XRRA1: variants seen among roughly 807,000 people sequenced by gnomAD.
XRRA1 encodes X-ray radiation resistance associated 1, also known as X-ray radiation resistance-associated protein 1.
XRRA1 carries 69 observed loss-of-function variants against 80.2 expected under a neutral mutation model. That is an observed-to-expected ratio of 0.86 (90% CI 0.71 to 1.05). The LOEUF (loss-of-function observed/expected upper bound fraction) is 1.05, where lower values mean the gene tolerates loss of function less well. XRRA1 is among the 50% of genes least tolerant of loss of function. The pLI is 0.00. For missense variants in XRRA1, 967 were observed against 976.4 expected (o/e 0.99, Z 0.13); for synonymous variants, 348 against 389.9 (o/e 0.89, Z 1.27).
chr11:74,898,401 T>G (rs2052865647), intron 10 of XRRA1, among the ~76,000 whole-genome samples: 1 of 151,396 alleles, frequency 6.6e-6, no homozygotes, highest in Non-Finnish European at 1.5e-5. Context: ...ATGGCAGGAG[T>G]AAGTCCCTGC....
intron 8 of XRRA1, chr11:74,913,928 T>G (rs1461660439): frequency 6.6e-6 from 1 of 152,210 alleles, no homozygotes; most frequent in African/African-American, 2.4e-5. Flanking sequence ...CTTACACTAC[T>G]TGTAGGAAAA....
chr11:74,937,153 A>G lies in XRRA1; in HGVS notation c.95-85T>C. ...TATAGACTTTGTTTATAATACTAAA[A>G]CCAAAAATAGCTCCTGATTATCTAA... On this transcript the variant is annotated intron_variant, in intron 3 of 18. Coordinates refer to ENST00000684022, the MANE Select transcript of XRRA1 (RefSeq NM_001378157.1). The G allele has an allele frequency of 2.2e-6, 3 of 1,378,098 alleles. No individual in the cohort carries two copies. In the South Asian group the frequency reaches 4.4e-5, roughly 20 times the overall value. 85.4% of individuals were successfully genotyped at this position (1,378,098 alleles called of 1,614,324 possible). A position where few individuals can be genotyped will look rare whatever the true frequency, so the allele number is the denominator to read the frequency against.
In XRRA1 at chr11:74,907,198, A is replaced by C. The variant is rs767687781; in HGVS notation, c.732T>G (p.Asp244Glu). ...AACTGGGGTTGGAGAGTCTGTTGTC[A>C]TCCAGCATCAGTGTCTCCAGCGCTG... Reference protein sequence around the residue: ...RFPALETLMLDDNRLSNPSCF... With the variant: ...RFPALETLMLEDNRLSNPSCF... The change falls in exon 9 of 19, where the codon GAT becomes GAG. Residue 244 changes from aspartate (D) to glutamate (E), a missense_variant. By Grantham distance (45) the Asp-to-Glu change is conservative. Transcript: ENST00000684022. The C allele has an allele frequency of 5.0e-6, 8 of 1,613,958 alleles. No homozygotes were observed. The highest frequency in any genetic ancestry group is 6.8e-6 in the Non-Finnish European group (8 of 1,179,866).
chr11:74,870,468 A>G (rs2044518893), intron 10 of XRRA1, among the ~76,000 whole-genome samples: 1 of 152,176 alleles, frequency 6.6e-6, no homozygotes, highest in Non-Finnish European at 1.5e-5. Context: ...CCCTCTCTGT[A>G]TGAAATGCTG....
At chr11:74,849,826 C>G (rs1475364452) in intron 14 of XRRA1, among the ~76,000 whole-genome samples, 1 of 152,150 alleles carries the variant, frequency 6.6e-6, no homozygotes, top group Non-Finnish European at 1.5e-5. Flanking sequence ...TGGTTACAGG[C>G]CTGCTCTGGC....
chr11:74,845,316 A>G lies in XRRA1; in HGVS notation c.1729-45T>C, dbSNP rs923769609. On this transcript the variant is annotated intron_variant, in intron 15 of 18. Transcript: ENST00000684022. ...GCATTCATTTGTCACTCATTCATTC[A>G]TTCATTCCATGAACATTCGGAGTAT... is the stretch of plus-strand genomic sequence containing the variant. The G allele has an allele frequency of 1.5e-5, 24 of 1,552,382 alleles. No individual in the cohort carries two copies. In the East Asian group the frequency reaches 5.7e-4, roughly 37 times the overall value.
At chr11:74,928,959 TTTGACAGGCAGAAAACA>T (rs1942894007) in intron 6 of XRRA1, among the ~76,000 whole-genome samples, 1 of 152,156 alleles carries the variant, frequency 6.6e-6, no homozygotes, top group Non-Finnish European at 1.5e-5. Flanking sequence ...CCTGCCAATA[TTTGACAGGCAGAAAACA>T]GTATCTTGAT....
intron 10 of XRRA1, among the ~76,000 whole-genome samples, chr11:74,905,155 T>C (rs370207950): frequency 3.7e-4 from 57 of 152,204 alleles, no homozygotes; most frequent in Non-Finnish European, 7.1e-4. Context: ...TCCTCCTGCC[T>C]CAGCCCCCAG....
chr11:74,923,734 C>G (rs941246382), intron 7 of XRRA1, among the ~76,000 whole-genome samples: 4 of 152,218 alleles, frequency 2.6e-5, no homozygotes, highest in African/African-American at 9.6e-5. Flanking sequence ...TCACTACACT[C>G]TACTGTGTCT....
At chr11:74,869,578 G>A (rs116166410) in intron 10 of XRRA1, among the ~76,000 whole-genome samples, 1,606 of 152,270 alleles carry the variant, frequency 0.011, 33 homozygotes, top group African/African-American at 0.035. Flanking sequence ...GTTAATATGT[G>A]TACAGTAAAG....
At chr11:74,906,749 A>G (rs2054688720) in intron 9 of XRRA1, 1 of 455,204 alleles carries the variant, frequency 2.2e-6, no homozygotes, top group Non-Finnish European at 3.9e-6. Context: ...AATTTTCCAG[A>G]GAAGTAAAGC....
intron 8 of XRRA1, chr11:74,920,133 C>G (rs898991996): frequency 1.9e-5 from 3 of 156,734 alleles, no homozygotes; most frequent in African/African-American, 4.8e-5. Flanking sequence ...ACGCAGAGAC[C>G]TGACAACATC....
rs2045609527 is a variant in XRRA1 at position 74,874,391 on chromosome 11, A to G, written c.1004-11370T>C. ...AGCCTTCCCATAGGGAGGGTCTTCA[A>G]TCTTTTGTATCAGAAAGGAAGGGAA... On this transcript the variant is annotated intron_variant, in intron 10 of 18. Transcript: ENST00000684022. 5.3e-5 allele frequency among the ~76,000 whole-genome samples: 8 copies of G among 152,192 alleles called. No individual in the cohort carries two copies. The South Asian group carries it at 1.7e-3, about 32-fold the overall frequency.
At position 74,848,349 on chromosome 11, in the gene XRRA1, A is replaced by C; in HGVS notation, c.1494T>G (p.Ala498=). ...KDMLEPEAEL[A]EDLPTTKSTS... ...TGCTTTTGGTAGTGGGCAGATCTTC[A>C]GCCAGCTCTGCCTCTGGCTCTAGCA... is the stretch of plus-strand genomic sequence containing the variant. The change falls in exon 15 of 19, where the codon GCT becomes GCG. Residue 498 remains alanine (A), a synonymous_variant. Coordinates refer to ENST00000684022, the MANE Select transcript of XRRA1 (RefSeq NM_001378157.1). The C allele has an allele frequency of 6.2e-7, 1 of 1,613,930 alleles. No homozygotes were observed. Among genetic ancestry groups the C allele is most frequent in the Non-Finnish European group, 8.5e-7 (1 of 1,179,860 alleles).
chr11:74,934,417 T>C (rs1243865323), intron 4 of XRRA1, among the ~76,000 whole-genome samples: 2 of 152,078 alleles, frequency 1.3e-5, no homozygotes, highest in Non-Finnish European at 2.9e-5. Context: ...GGGAAGACAA[T>C]GAAGAAAAAG....
intron 15 of XRRA1, among the ~76,000 whole-genome samples, chr11:74,846,820 C>T (rs1443625463): frequency 2.6e-5 from 4 of 152,106 alleles, no homozygotes; most frequent in African/African-American, 7.2e-5. Context: ...ATGCTTTCCC[C>T]TTAAGAACAG....
At chr11:74,898,165 T>G (rs2052801390) in intron 10 of XRRA1, among the ~76,000 whole-genome samples, 1 of 152,128 alleles carries the variant, frequency 6.6e-6, no homozygotes, top group Non-Finnish European at 1.5e-5. Flanking sequence ...TTGACATGTT[T>G]GTTTGTGCAA....
intron 7 of XRRA1, among the ~76,000 whole-genome samples, chr11:74,925,031 C>A (rs2139144785): frequency 6.6e-6 from 1 of 152,292 alleles, no homozygotes; most frequent in East Asian, 1.9e-4. Flanking sequence ...TGACCTCATT[C>A]TAGCTGCTTT....
chr11:74,940,728 G>C (rs1946161449), intron 3 of XRRA1, 57 bp downstream of exon 3: 1 of 1,387,846 alleles, frequency 7.2e-7, no homozygotes, highest in Non-Finnish European at 1.0e-6. Context: ...GATGTGAGAT[G>C]GTCTAAAGCA....
Sources: allele counts gnomAD v4.1 joint callset (sites outside exome capture counted in the v4.1 genomes callset), GRCh38; gene constraint gnomAD v4.1.1; transcripts MANE v1.5; gene names NCBI Gene and HGNC (gene_info 2026-07-23, HGNC 2026-07-21).